The following NEGR1 variants were observed in gnomAD, a reference collection of about 807,000 sequenced individuals.
NEGR1 encodes neuronal growth regulator 1, also known as IgLON family member 4.
NEGR1 carries 10 observed loss-of-function variants against 40.9 expected under a neutral mutation model. The observed-to-expected ratio is 0.24, with a 90% CI of 0.15 to 0.42. The LOEUF (loss-of-function observed/expected upper bound fraction) is 0.42, where lower values mean the gene tolerates loss of function less well. NEGR1 is among the 10% of genes least tolerant of loss of function. The pLI, the probability that NEGR1 is intolerant of heterozygous loss-of-function variation, is 1.00. For missense variants in NEGR1, 352 were observed against 438.9 expected (o/e 0.80, Z 1.77); for synonymous variants, 185 against 166.8 (o/e 1.11, Z -0.84).
chr1:71,609,899 C>A (rs983562197), intron 5 of NEGR1, among the ~76,000 whole-genome samples: 2 of 152,166 alleles, frequency 1.3e-5, no homozygotes, highest in African/African-American at 4.8e-5. Context: ...GCAGTTCCCC[C>A]ACCCTGTTCT....
At chr1:72,135,422 C>CAAAAAAA (rs71074820) in intron 1 of NEGR1, among the ~76,000 whole-genome samples, 3 of 102,262 alleles carry the variant, frequency 2.9e-5, no homozygotes, top group Admixed American at 1.1e-4. Context: ...AAAACAAAAC[C>CAAAAAAA]AAAAAAAAAA....
At chr1:71,622,154 G>A (rs1293289242) in intron 4 of NEGR1, among the ~76,000 whole-genome samples, 2 of 151,830 alleles carry the variant, frequency 1.3e-5, no homozygotes, top group Admixed American at 1.3e-4. Flanking sequence ...GTATCAACAG[G>A]AATTAAATGG....
intron 1 of NEGR1, among the ~76,000 whole-genome samples, chr1:72,121,254 T>C (rs534039951): frequency 6.6e-6 from 1 of 152,158 alleles, no homozygotes; most frequent in East Asian, 1.9e-4. Flanking sequence ...CCTCCAATGT[T>C]ACTTTTTAAT....
At chr1:71,949,487 TA>T (rs139585514) in intron 1 of NEGR1, among the ~76,000 whole-genome samples, 2,714 of 152,210 alleles carry the variant, frequency 0.018, 94 homozygotes, top group African/African-American at 0.062. Flanking sequence ...AGTTGGTACT[TA>T]AAAAATAGTT....
chr1:71,507,365 T>C (rs1647042443), intron 6 of NEGR1, among the ~76,000 whole-genome samples: 1 of 152,098 alleles, frequency 6.6e-6, no homozygotes, highest in African/African-American at 2.4e-5. Context: ...AAATAATAAA[T>C]AAACCTCTAA....
chr1:71,742,315 T>C (rs1655238124), intron 3 of NEGR1, among the ~76,000 whole-genome samples: 1 of 152,046 alleles, frequency 6.6e-6, no homozygotes, highest in Admixed American at 6.6e-5. Context: ...AGTAGAGCCC[T>C]GGGAATGTGA....
intron 1 of NEGR1, among the ~76,000 whole-genome samples, chr1:72,278,597 G>A (rs1324250273): frequency 6.6e-6 from 1 of 151,988 alleles, no homozygotes; most frequent in African/African-American, 2.4e-5. Flanking sequence ...CTAGAGCAGA[G>A]TTATATTCCC....
At chr1:72,091,054 T>C (rs1412297273) in intron 1 of NEGR1, among the ~76,000 whole-genome samples, 2 of 152,172 alleles carry the variant, frequency 1.3e-5, no homozygotes, top group African/African-American at 4.8e-5. Flanking sequence ...TTTTCAAATT[T>C]ATTAGACAAT....
intron 1 of NEGR1, among the ~76,000 whole-genome samples, chr1:72,221,094 T>C (rs1162765769): frequency 1.3e-5 from 2 of 152,100 alleles, no homozygotes; most frequent in Non-Finnish European, 2.9e-5. Flanking sequence ...CTCCAAGAAA[T>C]AATCTGTTCT....
At chr1:72,146,319 C>T (rs2100345980) in intron 1 of NEGR1, among the ~76,000 whole-genome samples, 1 of 152,294 alleles carries the variant, frequency 6.6e-6, no homozygotes, top group East Asian at 1.9e-4. Flanking sequence ...TCTGGTGATG[C>T]TGCTGTGCTG....
At chr1:71,974,145 G>C (rs1289190953) in intron 1 of NEGR1, among the ~76,000 whole-genome samples, 2 of 152,120 alleles carry the variant, frequency 1.3e-5, no homozygotes, top group African/African-American at 4.8e-5. Flanking sequence ...CCAGTCTAAA[G>C]GACATGGGGC....
chr1:71,485,283 C>G (rs1320287571), intron 6 of NEGR1, among the ~76,000 whole-genome samples: 1 of 151,180 alleles, frequency 6.6e-6, no homozygotes, highest in Non-Finnish European at 1.5e-5. Flanking sequence ...ATAGACTTTA[C>G]TTTTTAGAAA....
rs939920446 is a variant in NEGR1 at position 72,207,161 on chromosome 1, TA to T, written c.176+75157del. ...TGTAAGTTTGTGAAAAAAGAAAAGTTAAAAAAAAACAAAAGTCAATATATAT... is the reference window on the plus strand; with the variant it reads ...TGTAAGTTTGTGAAAAAAGAAAAGTTAAAAAAAACAAAAGTCAATATATAT... On this transcript the variant is annotated intron_variant, in intron 1 of 6. Coordinates refer to ENST00000357731, the MANE Select transcript of NEGR1 (RefSeq NM_173808.3). Among the ~76,000 whole-genome samples the T allele has an allele frequency of 3.4e-5, 5 of 149,158 alleles. No individual in the cohort carries two copies. In the East Asian group the frequency reaches 5.9e-4, roughly 17 times the overall value.
intron 4 of NEGR1, among the ~76,000 whole-genome samples, chr1:71,686,842 T>C (rs1275338205): frequency 2.0e-5 from 3 of 152,164 alleles, no homozygotes; most frequent in Non-Finnish European, 4.4e-5. Context: ...TCAAGTGAAT[T>C]ACATGGAGCT....
At chr1:72,034,428 T>G (rs1047693210) in intron 1 of NEGR1, among the ~76,000 whole-genome samples, 6 of 152,150 alleles carry the variant, frequency 3.9e-5, no homozygotes, top group African/African-American at 1.4e-4. Context: ...ACTAATTAAT[T>G]TGGTGTCTAA....
chr1:72,072,103 C>T (rs979684192), intron 1 of NEGR1, among the ~76,000 whole-genome samples: 6 of 152,088 alleles, frequency 3.9e-5, no homozygotes, highest in Non-Finnish European at 5.9e-5. Context: ...TGGCACATTC[C>T]TATTTCTATT....
intron 1 of NEGR1, among the ~76,000 whole-genome samples, chr1:72,232,822 TTTGAG>T (rs754007825): frequency 3.3e-5 from 5 of 152,176 alleles, no homozygotes; most frequent in Non-Finnish European, 7.3e-5. Context: ...ACCACATAAG[TTTGAG>T]TTAATTATGT....
At chr1:72,262,727 G>A (rs1022160080) in intron 1 of NEGR1, among the ~76,000 whole-genome samples, 17 of 151,602 alleles carry the variant, frequency 1.1e-4, no homozygotes, top group African/African-American at 4.1e-4. Flanking sequence ...CTTAATTAGT[G>A]GTACATTATT....
intron 6 of NEGR1, among the ~76,000 whole-genome samples, chr1:71,592,526 A>T (rs1268238004): frequency 6.6e-6 from 1 of 152,212 alleles, no homozygotes; most frequent in African/African-American, 2.4e-5. Flanking sequence ...TACTGACTTC[A>T]GCCAAAAGAC....
Sources: gnomAD v4.1 joint callset for allele counts (sites outside exome capture counted in the v4.1 genomes callset) on GRCh38, gnomAD v4.1.1 for gene constraint, MANE v1.5 for transcripts, NCBI Gene and HGNC (gene_info 2026-07-23, HGNC 2026-07-21) for gene names.